Variants in CLDN10 observed in about 807,000 individuals in gnomAD.
The protein encoded by CLDN10 is claudin 10.
A neutral mutation model predicts 22.9 loss-of-function variants in CLDN10; 15 were observed. The observed-to-expected ratio is 0.65, with a 90% CI of 0.44 to 1.01. The LOEUF (loss-of-function observed/expected upper bound fraction) is 1.01. Among genes scored for constraint, CLDN10 ranks in the 50% least tolerant of loss-of-function variants. The pLI, the probability that CLDN10 is intolerant of heterozygous loss-of-function variation, is 0.00. For missense variants in CLDN10, 247 were observed against 287.8 expected, an observed-to-expected ratio of 0.86 and a Z score of 1.03; for synonymous variants, 114 against 111.4, an observed-to-expected ratio of 1.02 and a Z score of -0.15.
chr13:95,506,545 G>A (rs1397749942), intron 1 of CLDN10, among the ~76,000 whole-genome samples: 3 of 152,144 alleles, frequency 2.0e-5, no homozygotes, highest in Non-Finnish European at 4.4e-5. Context: ...TGCCACCTCA[G>A]ACCCACCTGG....
chr13:95,576,912 A>G (rs2043937723), intron 3 of CLDN10, among the ~76,000 whole-genome samples: 1 of 152,220 alleles, frequency 6.6e-6, no homozygotes, highest in Non-Finnish European at 1.5e-5. Flanking sequence ...ATAGATGGAA[A>G]GCTTGGCAAG....
At chr13:95,461,414 A>AAT (rs2042535804) in intron 1 of CLDN10, among the ~76,000 whole-genome samples, 1 of 152,184 alleles carries the variant, frequency 6.6e-6, no homozygotes, top group Admixed American at 6.5e-5. Context: ...ATTTATGCTA[A>AAT]AAGTCACTTT....
In CLDN10 at chr13:95,484,688, CAAAAAA is replaced by C. The variant is rs144818972; in HGVS notation, c.214+50654_214+50659del. ...CGAAACCCCGTCTCTACTAAAAATA[CAAAAAA>C]AAAAAAAAAAAACCCACAAAAATTA... On this transcript the variant is annotated intron_variant, in intron 1 of 4. Transcript: ENST00000376873. 1.3e-4 allele frequency among the ~76,000 whole-genome samples: 16 copies of C among 124,504 alleles called. No homozygotes were observed. In the Middle Eastern group the frequency reaches 0.012, roughly 92 times the overall value. The allele number at this position is 124,504 out of a possible 152,430, so 81.7% of individuals were successfully genotyped here.
chr13:95,458,933 C>A (rs976701141), intron 1 of CLDN10, among the ~76,000 whole-genome samples: 4 of 152,160 alleles, frequency 2.6e-5, no homozygotes, highest in African/African-American at 9.7e-5. Context: ...TTCTGAGATG[C>A]AATGGGAGTA....
intron 1 of CLDN10, among the ~76,000 whole-genome samples, chr13:95,520,167 C>T (rs1232384655): frequency 1.3e-5 from 2 of 152,106 alleles, no homozygotes; most frequent in African/African-American, 2.4e-5. Context: ...AGAACTAATA[C>T]CAGATTAATC....
rs142848545 is a variant in CLDN10, at chr13:95,440,202, A to C, written c.214+6155A>C. Among the ~76,000 whole-genome samples the C allele has an allele frequency of 6.2e-3, 943 of 152,270 alleles. 8 individuals carry two copies. Among genetic ancestry groups the C allele is most frequent in the African/African-American group, 0.022 (899 of 41,564 alleles). On this transcript the variant is annotated intron_variant, in intron 1 of 4. Transcript: ENST00000376873. ...GCTGGGATTACAGGCGTGAGCCACC[A>C]TGCCTGGCCAATATTAATACTTTTA...
chr13:95,442,248 C>G (rs754628042), intron 1 of CLDN10, among the ~76,000 whole-genome samples: 4 of 152,194 alleles, frequency 2.6e-5, no homozygotes, highest in Non-Finnish European at 5.9e-5. Flanking sequence ...CCATGAATAC[C>G]TCTTTCAGTG....
chr13:95,499,714 G>C (rs1382521758), intron 1 of CLDN10, among the ~76,000 whole-genome samples: 1 of 152,150 alleles, frequency 6.6e-6, no homozygotes, highest in East Asian at 1.9e-4. Context: ...ACTGCCTAAG[G>C]GGGTGATAAA....
chr13:95,572,603 G>A (rs756132054), intron 3 of CLDN10, among the ~76,000 whole-genome samples: 3 of 152,164 alleles, frequency 2.0e-5, no homozygotes, highest in Non-Finnish European at 4.4e-5. Flanking sequence ...TAGCTACTAT[G>A]GACATTGACT....
Position 95,516,999 on chromosome 13 carries a change from CT to C in CLDN10, c.215-43131del, listed in dbSNP as rs1445430557. Reference sequence around the variant, plus strand: ...CCTTCCTTCCTTCCTTCCTTCCTTCCTTCCTTCCTTCCTTCCTTCCTTCCTC... The same window carrying C: ...CCTTCCTTCCTTCCTTCCTTCCTTCCTCCTTCCTTCCTTCCTTCCTTCCTC... On this transcript the variant is annotated intron_variant, in intron 1 of 4. Coordinates refer to the CLDN10 transcript ENST00000376873. 4.2e-4 allele frequency among the ~76,000 whole-genome samples: 62 copies of C among 146,684 alleles called. 2 individuals are homozygous for C. Among genetic ancestry groups the C allele is most frequent in the African/African-American group, 1.1e-3 (45 of 39,732 alleles).
chr13:95,536,099 G>A (rs2043397293), intron 1 of CLDN10, among the ~76,000 whole-genome samples: 1 of 151,600 alleles, frequency 6.6e-6, no homozygotes, highest in Non-Finnish European at 1.5e-5. Context: ...TATTGAGATG[G>A]TCAGTTAAAG....
upstream of CLDN10, among the ~76,000 whole-genome samples, chr13:95,551,366 A>G (rs1392923286): frequency 6.6e-6 from 1 of 152,220 alleles, no homozygotes; most frequent in African/African-American, 2.4e-5. Context: ...TGGGCTAAAC[A>G]TTATCTCTAG....
intron 1 of CLDN10, among the ~76,000 whole-genome samples, chr13:95,470,887 G>T (rs1283024034): frequency 6.6e-6 from 1 of 152,104 alleles, no homozygotes. Context: ...ATCCACAGCC[G>T]ACGTGCTGGT....
intron 3 of CLDN10, among the ~76,000 whole-genome samples, chr13:95,570,123 T>C (rs908803919): frequency 2.6e-5 from 4 of 152,236 alleles, no homozygotes; most frequent in African/African-American, 9.6e-5. Context: ...TGCTTACCAA[T>C]ACTGGCCATG....
At chr13:95,560,795 G>T (rs1464650170) in intron 3 of CLDN10, 5 of 218,548 alleles carry the variant, frequency 2.3e-5, no homozygotes, top group Non-Finnish European at 3.6e-5. Context: ...GAATGATGCG[G>T]TGTGCGAATA....
At chr13:95,536,235 G>A (rs1471454675) in intron 1 of CLDN10, among the ~76,000 whole-genome samples, 1 of 149,666 alleles carries the variant, frequency 6.7e-6, no homozygotes. Context: ...AAGATCACCT[G>A]AGGTCAGGAG....
chr13:95,571,818 T>C (rs2043865871), intron 3 of CLDN10, among the ~76,000 whole-genome samples: 1 of 152,212 alleles, frequency 6.6e-6, no homozygotes, highest in South Asian at 2.1e-4. Context: ...TGAGTGTACT[T>C]TCTGGATTTT....
At chr13:95,462,514 G>C in intron 1 of CLDN10, among the ~76,000 whole-genome samples, 1 of 152,190 alleles carries the variant, frequency 6.6e-6, no homozygotes, top group East Asian at 1.9e-4. Flanking sequence ...ATAAACATGT[G>C]GGCAGGACCT....
intron 1 of CLDN10, among the ~76,000 whole-genome samples, chr13:95,558,020 G>C (rs2043659434): frequency 6.6e-6 from 1 of 152,144 alleles, no homozygotes; most frequent in Non-Finnish European, 1.5e-5. Context: ...ATGCAAATTA[G>C]GGTACATGCT....
Sources: allele counts gnomAD v4.1 joint callset (sites outside exome capture counted in the v4.1 genomes callset), GRCh38; gene constraint gnomAD v4.1.1; transcripts MANE v1.5; gene names NCBI Gene and HGNC (gene_info 2026-07-23, HGNC 2026-07-21).